GCSH: variants seen among roughly 807,000 people sequenced by gnomAD.
GCSH encodes glycine cleavage system protein H.
GCSH carries 15 observed loss-of-function variants against 21.3 expected under a neutral mutation model. The observed-to-expected ratio is 0.70, with a 90% CI of 0.47 to 1.08. The LOEUF is 1.08. Among genes scored for constraint, GCSH ranks in the 50% least tolerant of loss-of-function variants. The pLI is 0.00. For missense variants in GCSH, 179 were observed against 217.5 expected (o/e 0.82, Z 1.11); for synonymous variants, 59 against 84.5 (o/e 0.70, Z 1.66).
At chr16:81,093,031 C>A (rs1467747060) in intron 1 of GCSH, among the ~76,000 whole-genome samples, 1 of 151,154 alleles carries the variant, frequency 6.6e-6, no homozygotes, top group South Asian at 2.1e-4. Flanking sequence ...ACTTGGGAGG[C>A]TGAGGCAGGA....
rs1422314892 is a variant in GCSH, at chr16:81,096,372, G to A, written c.-94C>T. Reference sequence around the variant, plus strand: ...GGCAGTTCGCGGCCGGAGGGAGCCGGCTGGATGGAGGCGCGGAGGCGGTGC... The same window carrying A: ...GGCAGTTCGCGGCCGGAGGGAGCCGACTGGATGGAGGCGCGGAGGCGGTGC... On this transcript the variant is annotated 5_prime_UTR_variant, in exon 1 of 5. Transcript: ENST00000315467. 9.3e-7 allele frequency: 1 copy of A among 1,070,726 alleles called. No homozygotes were observed. Among genetic ancestry groups the A allele is most frequent in the Non-Finnish European group, 1.2e-6 (1 of 809,954 alleles). The allele number at this position is 1,070,726 out of a possible 1,614,324, so 66.3% of individuals were successfully genotyped here.
intron 4 of GCSH, chr16:81,083,202 A>G (rs1462560377): frequency 3.9e-6 from 2 of 518,172 alleles, no homozygotes; most frequent in East Asian, 3.8e-5. Context: ...TTAGGTTGTA[A>G]TAAGCATCAG....
intron 2 of GCSH, among the ~76,000 whole-genome samples, chr16:81,088,494 G>A (rs1033616623): frequency 7.9e-5 from 12 of 152,084 alleles, no homozygotes; most frequent in African/African-American, 2.4e-4. Context: ...TGCCTCCCAG[G>A]TTCAAGCGAT....
In GCSH at chr16:81,082,451, C is replaced by G. The variant is rs1268434139; in HGVS notation, c.*415G>C. 1 of 392,342 alleles carries G rather than the reference C, an allele frequency of 2.5e-6. No homozygotes were observed. Among genetic ancestry groups the G allele is most frequent in the South Asian group, 1.8e-5 (1 of 54,322 alleles). 24.3% of individuals were successfully genotyped at this position (392,342 alleles called of 1,614,324 possible). A position where few individuals can be genotyped will look rare whatever the true frequency, so the allele number is the denominator to read the frequency against. ...TCCTCATCTGACACTGTACAAGCAA[C>G]AAAACCTCTTCACTTCCAGTTATTT... On this transcript the variant is annotated 3_prime_UTR_variant, in exon 5 of 5. Coordinates refer to ENST00000315467, the MANE Select transcript of GCSH (RefSeq NM_004483.5).
In GCSH at chr16:81,096,175, A is replaced by T. The variant is rs1316477838; in HGVS notation, c.104T>A (p.Val35Glu). ...PCPPRPWQLG[V>E]GAVRTLRTGP... ...AGTGCGCAGCGTACGGACGGCGCCC[A>T]CCCCCAGCTGCCAGGGCCTCGGCGG... is the stretch of plus-strand genomic sequence containing the variant. The change falls in exon 1 of 5, where the codon GTG becomes GAG. Residue 35 changes from valine to glutamate, a missense_variant. Coordinates refer to ENST00000315467, the MANE Select transcript of GCSH (RefSeq NM_004483.5). 19 of 1,317,978 alleles carry T rather than the reference A, an allele frequency of 1.4e-5. No homozygotes were observed. The highest frequency in any genetic ancestry group is 4.0e-5 in the Admixed American group (1 of 25,002). The allele number at this position is 1,317,978 out of a possible 1,614,324, so 81.6% of individuals were successfully genotyped here.
At chr16:81,093,550 C>T (rs1452627074) in intron 1 of GCSH, among the ~76,000 whole-genome samples, 1 of 151,994 alleles carries the variant, frequency 6.6e-6, no homozygotes, top group Non-Finnish European at 1.5e-5. Flanking sequence ...AATGTTACCC[C>T]TCAGTCCTGG....
chr16:81,087,495 C>CA (rs372993879), intron 3 of GCSH, 106 bp downstream of exon 3: 295 of 833,820 alleles, frequency 3.5e-4, no homozygotes, highest in African/African-American at 2.6e-3. Context: ...AAGACTGTCT[C>CA]CAAAAAAAAA....
intron 2 of GCSH, among the ~76,000 whole-genome samples, 188 bp from the exon 3 acceptor site, chr16:81,087,852 GGT>G (rs1972315139): frequency 6.6e-6 from 1 of 152,114 alleles, no homozygotes; most frequent in Non-Finnish European, 1.5e-5. Context: ...AGTCAGGTGT[GGT>G]AGTTCACGCC....
In GCSH at chr16:81,082,612, T is replaced by G. The variant is rs981137209; in HGVS notation, c.*254A>C. 1 of 379,776 alleles carries G rather than the reference T, an allele frequency of 2.6e-6. No individual in the cohort carries two copies. The highest frequency in any genetic ancestry group is 2.6e-5 in the African/African-American group (1 of 38,760). 23.5% of individuals were successfully genotyped at this position (379,776 alleles called of 1,614,324 possible). A position where few individuals can be genotyped will look rare whatever the true frequency, so the allele number is the denominator to read the frequency against. ...TTTTATAACTAGTTTTTACCATGGA[T>G]AATTTCATGAATTCTGAACACTAGA... On this transcript the variant is annotated 3_prime_UTR_variant, in exon 5 of 5. Coordinates refer to ENST00000315467, the MANE Select transcript of GCSH (RefSeq NM_004483.5).
chr16:81,094,812 G>A (rs781584290), intron 1 of GCSH, among the ~76,000 whole-genome samples: 6 of 152,280 alleles, frequency 3.9e-5, no homozygotes, highest in Middle Eastern at 6.8e-3. Context: ...AAAGAAAATT[G>A]TTGGCCTGGC....
At position 81,083,051 on chromosome 16, in the gene GCSH, C is replaced by T. The variant is rs926557256; in HGVS notation, c.425-88G>A. The T allele has an allele frequency of 3.1e-5, 26 of 834,034 alleles. No homozygotes were observed. The African/African-American group carries it at 4.0e-4, about 13-fold the overall frequency. 51.7% of individuals were successfully genotyped at this position (834,034 alleles called of 1,614,324 possible). A position where few individuals can be genotyped will look rare whatever the true frequency, so the allele number is the denominator to read the frequency against. On this transcript the variant is annotated intron_variant, in intron 4 of 4. Coordinates refer to ENST00000315467, the MANE Select transcript of GCSH (RefSeq NM_004483.5). ...ACGTAAAATAAATTTCTGAGCGCCTCAATCTTGTATTCTTTACAAAAACCA... is the reference window on the plus strand; with the variant it reads ...ACGTAAAATAAATTTCTGAGCGCCTTAATCTTGTATTCTTTACAAAAACCA...
chr16:81,090,699 A>G lies in GCSH; in HGVS notation c.149-19T>C, dbSNP rs377548830. 133 of 1,556,522 alleles carry G rather than the reference A, an allele frequency of 8.5e-5. No individual in the cohort carries two copies. The highest frequency in any genetic ancestry group is 1.1e-4 in the Non-Finnish European group (126 of 1,127,420). On this transcript the variant is annotated intron_variant, in intron 1 of 4. Coordinates refer to ENST00000315467, the MANE Select transcript of GCSH (RefSeq NM_004483.5). ...TTACGCACTAAAACAGAAGACCAAC[A>G]TTTCAGAAAAGCAGTAGCATTACTT...
chr16:81,092,760 A>C (rs1972422480), intron 1 of GCSH, among the ~76,000 whole-genome samples: 1 of 151,790 alleles, frequency 6.6e-6, no homozygotes, highest in Non-Finnish European at 1.5e-5. Context: ...ACAAACAAAA[A>C]AAATCCCTGG....
At chr16:81,089,957 C>T (rs563642036) in intron 2 of GCSH, among the ~76,000 whole-genome samples, 4 of 152,322 alleles carry the variant, frequency 2.6e-5, no homozygotes, top group Admixed American at 6.5e-5. Flanking sequence ...ACAAAACACA[C>T]ACATTTCCTT....
chr16:81,094,639 A>T (rs1484451565), intron 1 of GCSH, among the ~76,000 whole-genome samples: 1 of 152,222 alleles, frequency 6.6e-6, no homozygotes, highest in African/African-American at 2.4e-5. Context: ...GACTATTAGC[A>T]AGACAGCATA....
At chr16:81,095,680 T>C (rs562952716) in intron 1 of GCSH, among the ~76,000 whole-genome samples, 1 of 123,918 alleles carries the variant, frequency 8.1e-6, no homozygotes, top group Admixed American at 8.4e-5. Context: ...AATAAGCGCT[T>C]CTGTTTTAAT....
chr16:81,094,009 C>T (rs529176077), intron 1 of GCSH, among the ~76,000 whole-genome samples: 1 of 152,084 alleles, frequency 6.6e-6, no homozygotes, highest in East Asian at 2.0e-4. Flanking sequence ...TCAAGTGATT[C>T]GGCCTCATCC....
chr16:81,096,311 C>T lies in GCSH; in HGVS notation c.-33G>A. The T allele has an allele frequency of 7.4e-7, 1 of 1,349,662 alleles. No homozygotes were observed. The highest frequency in any genetic ancestry group is 9.5e-7 in the Non-Finnish European group (1 of 1,056,174). The allele number at this position is 1,349,662 out of a possible 1,614,324, so 83.6% of individuals were successfully genotyped here. ...GGGGTGCGGGGGTCGCAGCGCTACG[C>T]CTCGGCCACCCGCGCCGGGAGGCGG... On this transcript the variant is annotated 5_prime_UTR_variant, in exon 1 of 5. Coordinates refer to ENST00000315467, the MANE Select transcript of GCSH (RefSeq NM_004483.5).
Position 81,082,996 on chromosome 16 carries a change from T to A in GCSH, c.425-33A>T, listed in dbSNP as rs369011197. The A allele has an allele frequency of 7.6e-6, 10 of 1,322,084 alleles. No homozygotes were observed. The East Asian group carries it at 1.4e-4, about 18-fold the overall frequency. 81.9% of individuals were successfully genotyped at this position (1,322,084 alleles called of 1,614,324 possible). On this transcript the variant is annotated intron_variant, in intron 4 of 4. Transcript: ENST00000315467. Reference sequence around the variant, plus strand: ...CAAAAGACAACCTTATATTCCACATTAACTTTTTAAAAAGTCAAATTCATC... The same window carrying A: ...CAAAAGACAACCTTATATTCCACATAAACTTTTTAAAAAGTCAAATTCATC...
Sources: gnomAD v4.1 joint callset for allele counts (sites outside exome capture counted in the v4.1 genomes callset) on GRCh38, gnomAD v4.1.1 for gene constraint, MANE v1.5 for transcripts, NCBI Gene and HGNC (gene_info 2026-07-23, HGNC 2026-07-21) for gene names.